HCAR1: variants seen among roughly 807,000 people sequenced by gnomAD.
The protein encoded by HCAR1 is hydroxycarboxylic acid receptor 1, also known as G protein-coupled receptor 104.
For synonymous variants in HCAR1, 183 were observed against 182.1 expected (o/e 1.01, Z -0.04); for missense variants, 445 against 448.7 (o/e 0.99, Z 0.07).
At position 122,730,136 on chromosome 12, in the gene HCAR1, C is replaced by T. The variant is rs962693382; in HGVS notation, c.204G>A (p.Leu68=). 2.5e-6 allele frequency: 4 copies of T among 1,614,096 alleles called. No homozygotes were observed. Among genetic ancestry groups the T allele is most frequent in the Non-Finnish European group, 3.4e-6 (4 of 1,180,000 alleles). The change falls in exon 1 of 1, where the codon CTG becomes CTA. Residue 68 remains leucine (L), a synonymous_variant. Coordinates refer to ENST00000432564, the MANE Select transcript of HCAR1 (RefSeq NM_032554.4). ...AVADFLLMIC[L]PFRTDYYLRR... ...TGAGGTAATAGTCTGTCCGAAAAGG[C>T]AGGCAGATCATAAGGAGGAAATCAG...
Position 122,727,174 on chromosome 12 carries a change from G to C in HCAR1, c.*2125C>G, listed in dbSNP as rs1877814917. ...TATGCCTGTACTCCCAGCTATTCAG[G>C]AGGCTGAGGTGGGAGGAACACTTGA... is the stretch of plus-strand genomic sequence containing the variant. On this transcript the variant is annotated 3_prime_UTR_variant, in exon 1 of 1. Coordinates refer to ENST00000432564, the MANE Select transcript of HCAR1 (RefSeq NM_032554.4). 1 of 152,014 alleles carries C rather than the reference G, an allele frequency of 6.6e-6. No homozygotes were observed. Among genetic ancestry groups the C allele is most frequent in the Non-Finnish European group, 1.5e-5 (1 of 68,068 alleles). The allele number at this position is 152,014 out of a possible 1,614,324, so 9.4% of individuals were successfully genotyped here. A position where few individuals can be genotyped will look rare whatever the true frequency, so the allele number is the denominator to read the frequency against.
Sources: allele counts gnomAD v4.1 joint callset, GRCh38; gene constraint gnomAD v4.1.1; transcripts MANE v1.5; gene names NCBI Gene and HGNC (gene_info 2026-07-23, HGNC 2026-07-21).